SMIM29: variants seen among roughly 807,000 people sequenced by gnomAD.
SMIM29 encodes uncharacterized protein C6orf1.
Under a neutral mutation model 12.9 loss-of-function variants are expected in SMIM29, and 4 were observed. That is an observed-to-expected ratio of 0.31 (90% CI 0.15 to 0.71). The LOEUF is 0.71. Ranked by LOEUF, SMIM29 falls within the 30% of genes least tolerant of loss-of-function variation. The pLI, the probability that SMIM29 is intolerant of heterozygous loss-of-function variation, is 0.70. For synonymous variants in SMIM29, 50 were observed against 52.0 expected (o/e 0.96, Z 0.17); for missense variants, 122 against 138.1 (o/e 0.88, Z 0.58).
chr6:34,246,842 G>A lies in SMIM29; in HGVS notation c.270C>T (p.Tyr90=), dbSNP rs765802250. The change falls in exon 5 of 5, where the codon TAC becomes TAT. Residue 90 remains tyrosine (Y), a synonymous_variant. Transcript: ENST00000476320. ...CCAGCAGTGGCATCCGCTTGTGCTGGTAGCCACTCTGCCAGCCATGTACCA... is the reference window on the plus strand; with the variant it reads ...CCAGCAGTGGCATCCGCTTGTGCTGATAGCCACTCTGCCAGCCATGTACCA... ...PKVVHGWQSG[Y]QHKRMPLLDV... is the part of the protein sequence containing the mutation. 5.0e-6 allele frequency: 8 copies of A among 1,609,904 alleles called. No homozygotes were observed. Among genetic ancestry groups the A allele is most frequent in the Non-Finnish European group, 6.8e-6 (8 of 1,178,342 alleles).
At chr6:34,248,897 C>A in intron 1 of SMIM29, 82 bp downstream of exon 1, 2 of 985,656 alleles carry the variant, frequency 2.0e-6, no homozygotes, top group Non-Finnish European at 2.4e-6. Context: ...CCGCCCCGCG[C>A]CCGAACATCC....
chr6:34,247,721 G>A lies in SMIM29; in HGVS notation c.71C>T (p.Pro24Leu). Residue 24 changes from proline (P) to leucine (L), a missense_variant, in exon 2 of 5, where the codon CCC becomes CTC. Physicochemically the swap from Pro to Leu is moderately conservative, Grantham distance 98. Transcript: ENST00000476320. ...SDSMVGYVLG[P>L]FFLITLVGVV... is the part of the protein sequence containing the mutation. Reference sequence around the variant, plus strand: ...CCCGACCAGGGTGATGAGGAAGAAGGGCCCCAACACATAGCCCACCATGGA... The same window carrying A: ...CCCGACCAGGGTGATGAGGAAGAAGAGCCCCAACACATAGCCCACCATGGA... The A allele has an allele frequency of 7.2e-7, 1 of 1,394,004 alleles. No homozygotes were observed. Among genetic ancestry groups the A allele is most frequent in the African/African-American group, 1.5e-5 (1 of 68,654 alleles). The allele number at this position is 1,394,004 out of a possible 1,614,324, so 86.4% of individuals were successfully genotyped here. A position where few individuals can be genotyped will look rare whatever the true frequency, so the allele number is the denominator to read the frequency against.
chr6:34,247,037 T>G lies in SMIM29; in HGVS notation c.243+7A>C, dbSNP rs1238458628. The G allele has an allele frequency of 4.3e-6, 7 of 1,614,094 alleles. No homozygotes were observed. In the East Asian group the frequency reaches 1.6e-4, roughly 36 times the overall value. On this transcript the variant is annotated splice_region_variant and intron_variant, in intron 4 of 4. Coordinates refer to ENST00000476320, the MANE Select transcript of SMIM29 (RefSeq NM_001008703.4). ...CCTCATTCTCCCCCTGGCCCCCAAG[T>G]GCTCACCTTGGGGTCTCCCATGTCA... is the stretch of plus-strand genomic sequence containing the variant.
chr6:34,246,716 G>T lies in SMIM29; in HGVS notation c.*87C>A. On this transcript the variant is annotated 3_prime_UTR_variant, in exon 5 of 5. Transcript: ENST00000476320. ...ATGGAGACCCAGCACCCAGCAGGGGGAGCCAGGTGACAGCAGGGGAAGCAG... is the reference window on the plus strand; with the variant it reads ...ATGGAGACCCAGCACCCAGCAGGGGTAGCCAGGTGACAGCAGGGGAAGCAG... The T allele has an allele frequency of 6.2e-7, 1 of 1,613,758 alleles. No homozygotes were observed. The highest frequency in any genetic ancestry group is 1.3e-5 in the African/African-American group (1 of 75,042).
intron 3 of SMIM29, 128 bp downstream of exon 3, chr6:34,247,339 G>T: frequency 6.6e-7 from 1 of 1,525,660 alleles, no homozygotes; most frequent in Non-Finnish European, 8.9e-7. Flanking sequence ...TGAGGCTGGG[G>T]CAGGGAAAAC....
chr6:34,248,623 C>T, intron 1 of SMIM29: 1 of 985,588 alleles, frequency 1.0e-6, no homozygotes, highest in Non-Finnish European at 1.2e-6. Flanking sequence ...ACGCTGATGG[C>T]CCAAGGTCCG....
rs776717438 is a variant in SMIM29, at chr6:34,246,742, A to T, written c.*61T>A. On this transcript the variant is annotated 3_prime_UTR_variant, in exon 5 of 5. Transcript: ENST00000476320. ...AGCCAGGTGACAGCAGGGGAAGCAGATGGCAGGGCCCCAGGCAGTCCAGGA... is the reference window on the plus strand; with the variant it reads ...AGCCAGGTGACAGCAGGGGAAGCAGTTGGCAGGGCCCCAGGCAGTCCAGGA... 4.3e-6 allele frequency: 7 copies of T among 1,613,722 alleles called. No individual in the cohort carries two copies. In the South Asian group the frequency reaches 7.7e-5, roughly 18 times the overall value.
chr6:34,246,547 CA>C lies in SMIM29; in HGVS notation c.*255del. 1 of 1,573,806 alleles carries C rather than the reference CA, an allele frequency of 6.4e-7. No homozygotes were observed. The highest frequency in any genetic ancestry group is 8.6e-7 in the Non-Finnish European group (1 of 1,156,396). On this transcript the variant is annotated 3_prime_UTR_variant, in exon 5 of 5. Coordinates refer to ENST00000476320, the MANE Select transcript of SMIM29 (RefSeq NM_001008703.4). The stretch of plus-strand genomic sequence containing the variant: ...AGCAAAGGTGTCTACCAGCCGCCCC[CA>C]TCCCAGAAGGAAAGCCTCTTCCCAT...
chr6:34,246,691 A>T lies in SMIM29; in HGVS notation c.*112T>A. Reference sequence around the variant, plus strand: ...CTGCTGAGGGTGGGTGGAGGGAGAAATGGAGACCCAGCACCCAGCAGGGGG... The same window carrying T: ...CTGCTGAGGGTGGGTGGAGGGAGAATTGGAGACCCAGCACCCAGCAGGGGG... On this transcript the variant is annotated 3_prime_UTR_variant, in exon 5 of 5. Coordinates refer to ENST00000476320, the MANE Select transcript of SMIM29 (RefSeq NM_001008703.4). 1 of 1,613,828 alleles carries T rather than the reference A, an allele frequency of 6.2e-7. No homozygotes were observed. The highest frequency in any genetic ancestry group is 8.5e-7 in the Non-Finnish European group (1 of 1,179,958).
chr6:34,248,665 G>A (rs938222145), intron 1 of SMIM29: 1 of 985,560 alleles, frequency 1.0e-6, no homozygotes, highest in Non-Finnish European at 1.2e-6. Context: ...TCTATCAGAG[G>A]GCAAGGTATG....
At chr6:34,247,323 G>A in intron 3 of SMIM29, 144 bp downstream of exon 3, 1 of 1,528,300 alleles carries the variant, frequency 6.5e-7, no homozygotes, top group Non-Finnish European at 8.8e-7. Flanking sequence ...TCCCCAGTGA[G>A]TAACCTGAGG....
At chr6:34,248,368 T>C in intron 1 of SMIM29, 1 of 985,454 alleles carries the variant, frequency 1.0e-6, no homozygotes, top group Non-Finnish European at 1.2e-6. Flanking sequence ...CTGAGTTCTA[T>C]GCCCTTGTCC....
chr6:34,247,967 A>C, intron 1 of SMIM29, 103 bp from the exon 2 acceptor site: 1 of 1,231,598 alleles, frequency 8.1e-7, no homozygotes, highest in Non-Finnish European at 1.0e-6. Flanking sequence ...CCCAGGTCAA[A>C]TCCTGGGAGG....
Position 34,247,079 on chromosome 6 carries a change from C to T in SMIM29, c.208G>A (p.Glu70Lys), listed in dbSNP as rs145526916. 4.3e-6 allele frequency: 7 copies of T among 1,614,124 alleles called. No homozygotes were observed. The East Asian group carries it at 8.9e-5, about 21-fold the overall frequency. The change falls in exon 4 of 5, where the codon GAG (glutamate) becomes AAG (lysine). Residue 70 changes from glutamate (E) to lysine (K), a missense_variant. Physicochemically the swap from Glu to Lys is moderately conservative, Grantham distance 56. Coordinates refer to ENST00000476320, the MANE Select transcript of SMIM29 (RefSeq NM_001008703.4). ...CCCATGTCAGAGAGCAGCTCCTGCT[C>T]AGCCTCATGCAGTTCCTCAGCTGGG... ...YDPAEELHEA[E>K]QELLSDMGDP...
At chr6:34,247,535 A>AAGGCCCACAGGCAGAGAG in intron 2 of SMIM29, 43 bp from the exon 3 acceptor site, 1 of 1,555,898 alleles carries the variant, frequency 6.4e-7, no homozygotes, top group Non-Finnish European at 8.7e-7. Flanking sequence ...TGAGCCCAGG[A>AAGGCCCACAGGCAGAGAG]AGGCCCACAG....
Position 34,246,726 on chromosome 6 carries a change from ACAG to A in SMIM29, c.*74_*76del. ...AGCACCCAGCAGGGGGAGCCAGGTG[ACAG>A]CAGGGGAAGCAGATGGCAGGGCCCC... On this transcript the variant is annotated 3_prime_UTR_variant, in exon 5 of 5. Transcript: ENST00000476320. 1 of 1,613,694 alleles carries A rather than the reference ACAG, an allele frequency of 6.2e-7. No homozygotes were observed. Among genetic ancestry groups the A allele is most frequent in the Non-Finnish European group, 8.5e-7 (1 of 1,179,868 alleles).
At chr6:34,247,565 C>T (rs771403342) in intron 2 of SMIM29, 73 bp from the exon 3 acceptor site, 19 of 1,532,406 alleles carry the variant, frequency 1.2e-5, no homozygotes, top group Non-Finnish European at 1.6e-5. Flanking sequence ...GGCCCACCTC[C>T]ACACCCTTCA....
chr6:34,247,542 A>G, intron 2 of SMIM29, 50 bp from the exon 3 acceptor site: 3 of 1,551,394 alleles, frequency 1.9e-6, no homozygotes, highest in Non-Finnish European at 2.6e-6. Flanking sequence ...AGGAAGGCCC[A>G]CAGGCAGAGA....
Position 34,247,460 on chromosome 6 carries a change from C to T in SMIM29, c.137+7G>A, listed in dbSNP as rs1160507740. 6.3e-7 allele frequency: 1 copy of T among 1,578,092 alleles called. No individual in the cohort carries two copies. The highest frequency in any genetic ancestry group is 8.6e-7 in the Non-Finnish European group (1 of 1,161,066). On this transcript the variant is annotated splice_region_variant and intron_variant, in intron 3 of 4. Coordinates refer to ENST00000476320, the MANE Select transcript of SMIM29 (RefSeq NM_001008703.4). Reference sequence around the variant, plus strand: ...GGTTAGGGCGGGTGGGGGACAGGGACACTCACCGCTTTTTCTTCTGTACAT... The same window carrying T: ...GGTTAGGGCGGGTGGGGGACAGGGATACTCACCGCTTTTTCTTCTGTACAT...
Sources: gnomAD v4.1 joint callset for allele counts on GRCh38, gnomAD v4.1.1 for gene constraint, MANE v1.5 for transcripts, NCBI Gene and HGNC (gene_info 2026-07-23, HGNC 2026-07-21) for gene names.